Variants in UTRN observed in about 807,000 individuals in gnomAD.
UTRN encodes dystrophin-related protein 1.
UTRN carries 283 observed loss-of-function variants against 463.9 expected under a neutral mutation model. That is an observed-to-expected ratio of 0.61 (90% confidence interval 0.55 to 0.67). The LOEUF (loss-of-function observed/expected upper bound fraction) is 0.67. UTRN is among the 30% of genes least tolerant of loss of function. UTRN has a pLI of 0.00. For missense variants in UTRN, 3,922 were observed against 4,084.3 expected, an observed-to-expected ratio of 0.96 and a Z score of 1.08; for synonymous variants, 1,442 against 1,431.5, an observed-to-expected ratio of 1.01 and a Z score of -0.17.
chr6:144,401,810 G>C (rs1370867962), intron 2 of UTRN, among the ~76,000 whole-genome samples: 1 of 152,164 alleles, frequency 6.6e-6, no homozygotes, highest in Non-Finnish European at 1.5e-5. Flanking sequence ...GATCCTAGCA[G>C]AGGTTCGTGA....
At chr6:144,709,791 C>A (rs1785480127) in intron 53 of UTRN, among the ~76,000 whole-genome samples, 1 of 152,194 alleles carries the variant, frequency 6.6e-6, no homozygotes, top group Non-Finnish European at 1.5e-5. Flanking sequence ...CCACTATATA[C>A]AACCTTTATT....
intron 7 of UTRN, 69 bp from the exon 8 acceptor site, chr6:144,428,709 G>C (rs1048362696): frequency 5.3e-5 from 45 of 853,836 alleles, no homozygotes; most frequent in Non-Finnish European, 7.5e-5. Context: ...AAATGTATTA[G>C]ATTATAACAA....
chr6:144,578,503 T>G (rs1380710591), intron 51 of UTRN, among the ~76,000 whole-genome samples: 2 of 152,028 alleles, frequency 1.3e-5, no homozygotes, highest in African/African-American at 4.8e-5. Context: ...CCTGGCTAGT[T>G]TTTGTATTTT....
intron 13 of UTRN, among the ~76,000 whole-genome samples, chr6:144,443,197 G>A (rs1787341055): frequency 6.6e-6 from 1 of 152,156 alleles, no homozygotes; most frequent in African/African-American, 2.4e-5. Context: ...TAAATATGAT[G>A]CCTCATTAAG....
At position 144,449,013 on chromosome 6, in the gene UTRN, T is replaced by C. The variant is rs531353944; in HGVS notation, c.2072+244T>C. Among the ~76,000 whole-genome samples the C allele has an allele frequency of 2.6e-5, 4 of 152,320 alleles. No individual in the cohort carries two copies. The East Asian group carries it at 5.8e-4, about 22-fold the overall frequency. On this transcript the variant is annotated intron_variant, in intron 17 of 74. Transcript: ENST00000367545. ...ATCCTGTGTTCAATTGGGAGAACTT[T>C]GTGATCGAAGCTTTCTTTCTTCCTT...
chr6:144,325,683 G>C (rs1370784684), intron 2 of UTRN, among the ~76,000 whole-genome samples: 1 of 152,148 alleles, frequency 6.6e-6, no homozygotes, highest in African/African-American at 2.4e-5. Flanking sequence ...TGACACCCAA[G>C]CCTATGCATT....
At chr6:144,414,818 C>T (rs1371014410) in intron 3 of UTRN, among the ~76,000 whole-genome samples, 1 of 151,552 alleles carries the variant, frequency 6.6e-6, no homozygotes, top group African/African-American at 2.4e-5. Context: ...CAGGTTCAAG[C>T]GATTCTCCTG....
chr6:144,347,837 G>GTTTTTTTCTTTTTTT (rs1777719554), intron 2 of UTRN, among the ~76,000 whole-genome samples: 1 of 128,902 alleles, frequency 7.8e-6, no homozygotes, highest in African/African-American at 3.4e-5. Context: ...CTTATTCTTT[G>GTTTTTTTCTTTTTTT]TTTTTTTTTT....
chr6:144,719,688 C>T (rs1786896909), intron 53 of UTRN, among the ~76,000 whole-genome samples: 1 of 152,084 alleles, frequency 6.6e-6, no homozygotes, highest in Admixed American at 6.5e-5. Context: ...GACTTTGAAG[C>T]TAGAAATGAG....
At chr6:144,429,868 C>T in intron 9 of UTRN, 127 bp downstream of exon 9, 1 of 973,422 alleles carries the variant, frequency 1.0e-6, no homozygotes, top group Non-Finnish European at 1.5e-6. Context: ...CTTACATTTG[C>T]ATAAGAAGTT....
chr6:144,831,579 C>A (rs142198581), intron 69 of UTRN, among the ~76,000 whole-genome samples: 12 of 152,280 alleles, frequency 7.9e-5, no homozygotes, highest in African/African-American at 2.6e-4. Context: ...ACCCATATAT[C>A]TATTACAATT....
intron 51 of UTRN, among the ~76,000 whole-genome samples, chr6:144,598,839 T>A (rs745726473): frequency 1.3e-5 from 2 of 152,194 alleles, no homozygotes; most frequent in Non-Finnish European, 2.9e-5. Flanking sequence ...GAACTAGTGT[T>A]TCAGGTTTAC....
chr6:144,287,459 A>G (rs1263759358), intron 1 of UTRN, among the ~76,000 whole-genome samples: 2 of 152,062 alleles, frequency 1.3e-5, no homozygotes, highest in African/African-American at 4.8e-5. Context: ...CTTTTCTACT[A>G]TCTCAATCGT....
At chr6:144,400,106 G>T (rs1161468106) in intron 2 of UTRN, among the ~76,000 whole-genome samples, 2 of 152,114 alleles carry the variant, frequency 1.3e-5, no homozygotes, top group African/African-American at 4.8e-5. Context: ...AGCCAGCAAA[G>T]GCTTTTAGAA....
Position 144,426,331 on chromosome 6 carries a change from G to C in UTRN, c.450G>C (p.Thr150=), listed in dbSNP as rs777393595. The change falls in exon 7 of 75, where the codon ACG becomes ACC. Residue 150 remains threonine, a synonymous_variant. Transcript: ENST00000367545. ...ATGTCATGTCGGACCTGCAGCAGAC[G>C]AACAGTGAGAAGATCCTGCTCAGCT... ...MKDVMSDLQQ[T]NSEKILLSWV... 1 of 1,613,928 alleles carries C rather than the reference G, an allele frequency of 6.2e-7. No individual in the cohort carries two copies. The highest frequency in any genetic ancestry group is 1.1e-5 in the South Asian group (1 of 91,074).
intron 23 of UTRN, among the ~76,000 whole-genome samples, chr6:144,471,420 C>A (rs986848469): frequency 6.6e-6 from 1 of 152,138 alleles, no homozygotes; most frequent in Non-Finnish European, 1.5e-5. Context: ...AATGAATTTC[C>A]CAGTTATACA....
At chr6:144,348,990 A>G (rs1442879555) in intron 2 of UTRN, among the ~76,000 whole-genome samples, 1 of 151,852 alleles carries the variant, frequency 6.6e-6, no homozygotes, top group African/African-American at 2.4e-5. Flanking sequence ...GAGAAATGGG[A>G]TTAACATGGT....
intron 52 of UTRN, among the ~76,000 whole-genome samples, chr6:144,682,703 A>C (rs1782326412): frequency 6.6e-6 from 1 of 152,218 alleles, no homozygotes; most frequent in Admixed American, 6.5e-5. Context: ...AGTTTAGCTA[A>C]AGGCGTAAAT....
intron 68 of UTRN, 132 bp from the exon 69 acceptor site, chr6:144,828,658 T>A (rs1467822530): frequency 1.2e-6 from 1 of 861,152 alleles, no homozygotes; most frequent in Non-Finnish European, 1.9e-6. Flanking sequence ...AGTTTTACAG[T>A]CGTGTTAGGA....
Sources: gnomAD v4.1 joint callset for allele counts (sites outside exome capture counted in the v4.1 genomes callset) on GRCh38, gnomAD v4.1.1 for gene constraint, MANE v1.5 for transcripts, NCBI Gene and HGNC (gene_info 2026-07-23, HGNC 2026-07-21) for gene names.